CELF2: variants seen among roughly 807,000 people sequenced by gnomAD.
CELF2 encodes CUGBP Elav-like family member 2, also known as CUG triplet repeat RNA-binding protein 2.
Under a neutral mutation model 62.6 loss-of-function variants are expected in CELF2, and 8 were observed. That is an observed-to-expected ratio of 0.13 (90% CI 0.07 to 0.23). The LOEUF (loss-of-function observed/expected upper bound fraction) is 0.23, where lower values mean the gene tolerates loss of function less well. Ranked by LOEUF, CELF2 falls within the 10% of genes least tolerant of loss-of-function variation. The pLI is 1.00. For missense variants in CELF2, 333 were observed against 671.0 expected (o/e 0.50, Z 5.56); for synonymous variants, 258 against 250.0 (o/e 1.03, Z -0.30).
intron 3 of CELF2, among the ~76,000 whole-genome samples, chr10:11,233,603 G>A (rs17149892): frequency 0.015 from 2,347 of 152,214 alleles, 63 homozygotes; most frequent in African/African-American, 0.054. Context: ...TATTAACCAG[G>A]TCTTCCTCCT....
the CELF2 span, among the ~76,000 whole-genome samples, chr10:10,628,724 T>C: frequency 6.6e-6 from 1 of 152,186 alleles, no homozygotes; most frequent in East Asian, 1.9e-4. Context: ...AAGTCTTTGC[T>C]ATTGTGAATA....
At chr10:11,020,045 T>C (rs1381561490) in intron 1 of CELF2, among the ~76,000 whole-genome samples, 1 of 152,224 alleles carries the variant, frequency 6.6e-6, no homozygotes, top group Non-Finnish European at 1.5e-5. Context: ...TCAATTAAAT[T>C]ATGAATTACA....
the CELF2 span, among the ~76,000 whole-genome samples, chr10:10,709,828 T>C: frequency 6.6e-6 from 1 of 152,206 alleles, no homozygotes; most frequent in Non-Finnish European, 1.5e-5. Context: ...TTCCCTCAGC[T>C]GGCATCAATG....
intron 1 of CELF2, among the ~76,000 whole-genome samples, chr10:10,841,002 C>T (rs976236024): frequency 2.0e-5 from 3 of 152,234 alleles, no homozygotes; most frequent in Non-Finnish European, 4.4e-5. Flanking sequence ...TCATCCATGT[C>T]CCTGCAAAGG....
rs1260031279 is a variant in CELF2, at chr10:11,159,705, C to T, written c.75-5781C>T. 1.3e-5 allele frequency among the ~76,000 whole-genome samples: 2 copies of T among 152,240 alleles called. No homozygotes were observed. Among genetic ancestry groups the T allele is most frequent in the East Asian group, 1.9e-4 (1 of 5,200 alleles). On this transcript the variant is annotated intron_variant, in intron 1 of 12. Transcript: ENST00000633077. This position sits in a 1 kb window ranked among gnomAD's most constrained non-coding sequence, Gnocchi z 5.0. The stretch of plus-strand genomic sequence containing the variant: ...AATGAATTTCATGTCTGTCCTGTTA[C>T]CCGCCGGAGGCACCAGGCCCATCGC...
chr10:10,964,048 A>G (rs2049850333), intron 2 of CELF2, among the ~76,000 whole-genome samples: 1 of 152,236 alleles, frequency 6.6e-6, no homozygotes, highest in Non-Finnish European at 1.5e-5. Context: ...ATATTAGAAT[A>G]GATATTATAT....
At chr10:10,953,404 T>C (rs1267120883) in intron 2 of CELF2, among the ~76,000 whole-genome samples, 1 of 152,200 alleles carries the variant, frequency 6.6e-6, no homozygotes, top group Non-Finnish European at 1.5e-5. Flanking sequence ...TGAGTGTGCT[T>C]TCACACCCAA....
chr10:10,964,952 C>G (rs1294631673), intron 2 of CELF2, among the ~76,000 whole-genome samples: 1 of 151,984 alleles, frequency 6.6e-6, no homozygotes, highest in Non-Finnish European at 1.5e-5. Context: ...ACTCTTAGCC[C>G]TCACGGTGGT....
the CELF2 span, among the ~76,000 whole-genome samples, chr10:10,507,856 C>A: frequency 6.6e-6 from 1 of 152,140 alleles, no homozygotes; most frequent in Admixed American, 6.5e-5. Context: ...CAGATGTGAT[C>A]TTTAATATTG....
At chr10:10,690,579 A>C in the CELF2 span, among the ~76,000 whole-genome samples, 4 of 152,320 alleles carry the variant, frequency 2.6e-5, no homozygotes, top group African/African-American at 9.6e-5. Context: ...GACCACCTGC[A>C]TGCAAAATAC....
the CELF2 span, among the ~76,000 whole-genome samples, chr10:10,685,566 C>T: frequency 2.6e-5 from 4 of 152,194 alleles, no homozygotes; most frequent in African/African-American, 9.7e-5. Flanking sequence ...AGTCCATACA[C>T]AACTAACACA....
intron 1 of CELF2, among the ~76,000 whole-genome samples, chr10:11,149,680 G>A (rs890535923): frequency 2.0e-5 from 3 of 152,130 alleles, no homozygotes; most frequent in African/African-American, 7.2e-5. Context: ...TCATGTTCCT[G>A]TGTGCTGAGG....
At chr10:11,042,579 A>G (rs1035652452) in intron 1 of CELF2, among the ~76,000 whole-genome samples, 1 of 152,114 alleles carries the variant, frequency 6.6e-6, no homozygotes, top group Non-Finnish European at 1.5e-5. Context: ...AAAATGTTCA[A>G]TTCAGTGGTT....
Position 11,183,264 on chromosome 10 carries a change from C to G in CELF2, c.271+17582C>G, listed in dbSNP as rs1192987464. ...CTGGCTTCCTTTGCTCAGCCTGATT[C>G]ATCCCCGTCACTCATTGATTCCTTT... On this transcript the variant is annotated intron_variant, in intron 2 of 12. Transcript: ENST00000633077. Among the ~76,000 whole-genome samples, 3 of 152,214 alleles carry G rather than the reference C, an allele frequency of 2.0e-5. No individual in the cohort carries two copies. In the East Asian group the frequency reaches 5.8e-4, roughly 29 times the overall value.
At chr10:11,166,789 C>T (rs1257588630) in intron 2 of CELF2, among the ~76,000 whole-genome samples, 1 of 152,232 alleles carries the variant, frequency 6.6e-6, no homozygotes, top group African/African-American at 2.4e-5. Context: ...AACCCTTTTC[C>T]TTACTGGCAA....
chr10:11,231,540 G>C (rs1179291286), intron 3 of CELF2, among the ~76,000 whole-genome samples: 2 of 152,108 alleles, frequency 1.3e-5, no homozygotes, highest in African/African-American at 4.8e-5. Context: ...GATCCGGAAG[G>C]AGTATGTGGG....
rs538045322 is a variant in CELF2 at position 10,997,199 on chromosome 10, T to C, written c.89+77200T>C. Among the ~76,000 whole-genome samples, 1 of 152,294 alleles carries C rather than the reference T, an allele frequency of 6.6e-6. No individual in the cohort carries two copies. The highest frequency in any genetic ancestry group is 6.5e-5 in the Admixed American group (1 of 15,286). ...CCCTTGTGTTTCCTCATTTGTGTCA[T>C]GTGGGTGATAATGCAGATTTACGGG... On this transcript the variant is annotated intron_variant, in intron 2 of 13. Transcript: ENST00000636488. The surrounding 1 kb of genome is among the most constrained non-coding windows in gnomAD (Gnocchi z 5.3).
chr10:10,954,129 G>A (rs959739922), intron 2 of CELF2, among the ~76,000 whole-genome samples: 1 of 151,428 alleles, frequency 6.6e-6, no homozygotes, highest in Admixed American at 6.6e-5. Context: ...TAAATGATGG[G>A]GTGAGAAACA....
At chr10:10,904,996 G>A (rs2063222430) in intron 1 of CELF2, among the ~76,000 whole-genome samples, 1 of 152,134 alleles carries the variant, frequency 6.6e-6, no homozygotes, top group Non-Finnish European at 1.5e-5. Context: ...TCTTGATCAT[G>A]ATTAGCTGTG....
Sources: gnomAD v4.1 joint callset for allele counts (sites outside exome capture counted in the v4.1 genomes callset) on GRCh38, gnomAD v4.1.1 for gene constraint, Gnocchi (gnomAD v3.1) non-coding constraint, MANE v1.5 for transcripts, NCBI Gene and HGNC (gene_info 2026-07-23, HGNC 2026-07-21) for gene names.